Variants in CSMD2 observed in about 807,000 individuals in gnomAD.
CSMD2 encodes the protein CUB and sushi domain-containing protein 2.
In CSMD2, 130 loss-of-function variants were observed where a neutral mutation model predicts 398.5. The ratio of observed to expected loss-of-function variants is 0.33; its 90% CI spans 0.28 to 0.38. The LOEUF (loss-of-function observed/expected upper bound fraction) is 0.38, where lower values mean the gene tolerates loss of function less well. CSMD2 is among the 10% of genes least tolerant of loss of function. The probability of loss-of-function intolerance (pLI) is 1.00; values close to 1 mark genes in which losing one functional copy is unlikely to be tolerated. For synonymous variants in CSMD2, 1,828 were observed against 1,908.5 expected (o/e 0.96, Z 1.10); for missense variants, 3,829 against 4,764.9 (o/e 0.80, Z 5.78).
intron 2 of CSMD2, among the ~76,000 whole-genome samples, chr1:34,060,168 C>G (rs928407042): frequency 9.2e-5 from 14 of 152,096 alleles, no homozygotes; most frequent in Admixed American, 2.6e-4. Flanking sequence ...CAAGAACAGT[C>G]CCCTGGGTCA....
At chr1:33,740,668 G>C (rs1425922090) in intron 14 of CSMD2, among the ~76,000 whole-genome samples, 1 of 152,128 alleles carries the variant, frequency 6.6e-6, no homozygotes, top group African/African-American at 2.4e-5. Flanking sequence ...TTCTTCGTTG[G>C]AAACTATGAC....
At chr1:33,626,912 G>A (rs1642162591) in intron 32 of CSMD2, among the ~76,000 whole-genome samples, 3 of 152,208 alleles carry the variant, frequency 2.0e-5, no homozygotes, top group Non-Finnish European at 4.4e-5. Context: ...TGCTAGGGAT[G>A]TGTGGAGCGA....
chr1:34,157,544 C>A (rs1640918881), intron 1 of CSMD2, among the ~76,000 whole-genome samples: 1 of 151,814 alleles, frequency 6.6e-6, no homozygotes, highest in African/African-American at 2.4e-5. Flanking sequence ...TTCTACTCGA[C>A]CCCAACTCCA....
chr1:33,623,551 G>T, intron 35 of CSMD2, 85 bp from the exon 36 acceptor site: 1 of 930,244 alleles, frequency 1.1e-6, no homozygotes. Flanking sequence ...CCTTCCCGTA[G>T]TTAATTCAAT....
chr1:33,609,400 C>T (rs1276827766), intron 41 of CSMD2, among the ~76,000 whole-genome samples: 1 of 152,160 alleles, frequency 6.6e-6, no homozygotes, highest in Non-Finnish European at 1.5e-5. Flanking sequence ...TCTCAGAAAG[C>T]TGCATATAGG....
At chr1:33,570,858 G>C (rs748866113) in intron 51 of CSMD2, among the ~76,000 whole-genome samples, 7 of 152,080 alleles carry the variant, frequency 4.6e-5, no homozygotes, top group Non-Finnish European at 1.0e-4. Flanking sequence ...GAGCTCCCTG[G>C]GGGGTGAGCT....
intron 41 of CSMD2, chr1:33,605,767 C>G: frequency 9.9e-7 from 1 of 1,014,402 alleles, no homozygotes; most frequent in Non-Finnish European, 1.5e-6. Flanking sequence ...AAAGGAGGCT[C>G]AAGGAAGACA....
intron 62 of CSMD2, among the ~76,000 whole-genome samples, chr1:33,536,643 C>A (rs1349584305): frequency 2.0e-5 from 3 of 152,322 alleles, no homozygotes; most frequent in African/African-American, 7.2e-5. Context: ...AACAGGCCTG[C>A]CTCCTGTGTG....
At chr1:33,691,431 C>T (rs1645236431) in intron 25 of CSMD2, among the ~76,000 whole-genome samples, 1 of 152,146 alleles carries the variant, frequency 6.6e-6, no homozygotes, top group African/African-American at 2.4e-5. Context: ...TTATTTTCCT[C>T]AGAGTTTAGC....
chr1:34,095,905 T>G (rs1420592248), intron 1 of CSMD2, among the ~76,000 whole-genome samples: 1 of 152,066 alleles, frequency 6.6e-6, no homozygotes, highest in African/African-American at 2.4e-5. Context: ...CCCTAACTCA[T>G]TTTATGAGGC....
In CSMD2 at chr1:33,926,733, T is replaced by A. The variant is rs528694887; in HGVS notation, c.713-8432A>T. Among the ~76,000 whole-genome samples the A allele has an allele frequency of 5.9e-5, 9 of 152,372 alleles. No homozygotes were observed. In the East Asian group the frequency reaches 1.3e-3, roughly 23 times the overall value. ...GGCATTTTGCACCACCATTAAGTCA[T>A]GCATATTCTCAGGTGCAGGTGTGTT... On this transcript the variant is annotated intron_variant, in intron 4 of 70. Transcript: ENST00000373381.
chr1:34,011,562 A>C (rs759088919), intron 3 of CSMD2, among the ~76,000 whole-genome samples: 1 of 152,156 alleles, frequency 6.6e-6, no homozygotes, highest in South Asian at 2.1e-4. Context: ...TGAAAAGCCT[A>C]TAAGTGTATT....
At chr1:33,890,232 C>CTTTT (rs11417145) in intron 5 of CSMD2, among the ~76,000 whole-genome samples, 3 of 130,426 alleles carry the variant, frequency 2.3e-5, no homozygotes, top group East Asian at 2.2e-4. Context: ...CTTTTTCTTT[C>CTTTT]TTTTTTTTTT....
Position 33,646,713 on chromosome 1 carries a change from C to T in CSMD2, c.4709G>A (p.Ser1570Asn). The change falls in exon 29 of 71, where the codon AGC (serine) becomes AAC (asparagine). Residue 1570 changes from serine to asparagine, a missense_variant. Coordinates refer to ENST00000373381, the MANE Select transcript of CSMD2 (RefSeq NM_001281956.2). Reference protein sequence around the residue: ...LPGRIESSSNSLFLAFRSDAS... With the variant: ...LPGRIESSSNNLFLAFRSDAS... ...ATCGCTGCGGAAGGCGAGGAAGAGGCTGTTGCTGCTGCTTTCAATGCGGCC... is the reference window on the plus strand; with the variant it reads ...ATCGCTGCGGAAGGCGAGGAAGAGGTTGTTGCTGCTGCTTTCAATGCGGCC... The T allele has an allele frequency of 6.2e-7, 1 of 1,614,194 alleles. No individual in the cohort carries two copies. The highest frequency in any genetic ancestry group is 8.5e-7 in the Non-Finnish European group (1 of 1,180,032).
chr1:33,846,915 G>T lies in CSMD2; in HGVS notation c.1002C>A (p.His334Gln). The T allele has an allele frequency of 1.9e-6, 3 of 1,610,022 alleles. No individual in the cohort carries two copies. Among genetic ancestry groups the T allele is most frequent in the Non-Finnish European group, 2.5e-6 (3 of 1,177,696 alleles). The change falls in exon 6 of 71, where the codon CAC becomes CAA. Residue 334 changes from histidine (H) to glutamine (Q), a missense_variant. Physicochemically the swap from His to Gln is conservative, Grantham distance 24. This residue lies in a region of CSMD2 where 2,001 missense variants were observed against 2,567.1 expected (regional missense o/e 0.78). Transcript: ENST00000373381. ...LRLHFTSDGN[H>Q]RQRGFSAQYQ... Reference sequence around the variant, plus strand: ...ATTGGGCACTGAATCCGCGCTGCCGGTGGTTGCCATCCGATGTGAAGTGCA... The same window carrying T: ...ATTGGGCACTGAATCCGCGCTGCCGTTGGTTGCCATCCGATGTGAAGTGCA...
At chr1:34,116,607 G>A (rs1661623350) in intron 1 of CSMD2, among the ~76,000 whole-genome samples, 1 of 151,998 alleles carries the variant, frequency 6.6e-6, no homozygotes, top group Admixed American at 6.6e-5. Context: ...AAATCAGTAA[G>A]GAAACAGAAA....
intron 23 of CSMD2, among the ~76,000 whole-genome samples, chr1:33,699,934 C>A (rs972488646): frequency 6.6e-6 from 1 of 152,146 alleles, no homozygotes; most frequent in African/African-American, 2.4e-5. Flanking sequence ...CAATATGTGG[C>A]CTTTGAGACT....
intron 55 of CSMD2, among the ~76,000 whole-genome samples, chr1:33,551,594 G>A (rs926009098): frequency 1.1e-4 from 16 of 152,200 alleles, no homozygotes; most frequent in African/African-American, 3.9e-4. Context: ...GGTAGGTACT[G>A]GGATGGTAAG....
chr1:33,774,533 C>T (rs1651714663), intron 12 of CSMD2, among the ~76,000 whole-genome samples: 1 of 152,136 alleles, frequency 6.6e-6, no homozygotes, highest in African/African-American at 2.4e-5. Flanking sequence ...GATGCGAGAG[C>T]CTGGGGTGTG....
Sources: allele counts gnomAD v4.1 joint callset (sites outside exome capture counted in the v4.1 genomes callset), GRCh38; gene constraint gnomAD v4.1.1; regional missense constraint gnomAD v4.1.1; transcripts MANE v1.5; gene names NCBI Gene and HGNC (gene_info 2026-07-23, HGNC 2026-07-21).